PRORP: variants seen among roughly 807,000 people sequenced by gnomAD.
The protein encoded by PRORP is protein only RNase P catalytic subunit, also known as mitochondrial ribonuclease P catalytic subunit.
In PRORP, 51 loss-of-function variants were observed where a neutral mutation model predicts 59.4. The observed-to-expected ratio is 0.86, with a 90% CI of 0.69 to 1.08. The LOEUF is 1.08. Among genes scored for constraint, PRORP ranks in the 50% least tolerant of loss-of-function variants. The pLI, the probability that PRORP is intolerant of heterozygous loss-of-function variation, is 0.00. For synonymous variants in PRORP, 231 were observed against 245.6 expected (o/e 0.94, Z 0.55); for missense variants, 646 against 690.3 (o/e 0.94, Z 0.72).
chr14:35,187,174 C>G (rs1388192808), intron 5 of PRORP, among the ~76,000 whole-genome samples: 2 of 152,116 alleles, frequency 1.3e-5, no homozygotes, highest in Non-Finnish European at 2.9e-5. Flanking sequence ...GGCTATATAC[C>G]TAGGAGTAGA....
chr14:35,233,789 C>T (rs886731814), intron 5 of PRORP, among the ~76,000 whole-genome samples: 7 of 151,956 alleles, frequency 4.6e-5, no homozygotes, highest in African/African-American at 1.7e-4. Flanking sequence ...TTTTCCTGAG[C>T]TCTGCAGTGG....
chr14:35,128,844 C>T (rs1450080061), intron 4 of PRORP, among the ~76,000 whole-genome samples: 2 of 151,970 alleles, frequency 1.3e-5, no homozygotes, highest in Non-Finnish European at 2.9e-5. Flanking sequence ...CTACTCTGAT[C>T]TTTATTATTT....
intron 5 of PRORP, among the ~76,000 whole-genome samples, chr14:35,253,331 CA>C (rs1344336297): frequency 0.011 from 716 of 68,052 alleles, 3 homozygotes; most frequent in African/African-American, 0.033. Context: ...GAGACTGTTT[CA>C]AAAAAAAAAA....
At chr14:35,227,561 T>G (rs2049966984) in intron 5 of PRORP, among the ~76,000 whole-genome samples, 1 of 152,170 alleles carries the variant, frequency 6.6e-6, no homozygotes, top group African/African-American at 2.4e-5. Flanking sequence ...CCTATAAATC[T>G]GAACCAGTCC....
At chr14:35,182,169 G>A (rs2048628596) in intron 5 of PRORP, among the ~76,000 whole-genome samples, 1 of 152,040 alleles carries the variant, frequency 6.6e-6, no homozygotes, top group Non-Finnish European at 1.5e-5. Context: ...GGGAGGCTGA[G>A]GCAGGAGAAT....
At chr14:35,227,746 T>A (rs11846536) in intron 5 of PRORP, among the ~76,000 whole-genome samples, 7,856 of 152,274 alleles carry the variant, frequency 0.052, 345 homozygotes, top group Admixed American at 0.15. Flanking sequence ...AAACTTTTTT[T>A]AAAATTTTAG....
chr14:35,253,708 A>G (rs2050676123), intron 5 of PRORP, among the ~76,000 whole-genome samples: 1 of 152,118 alleles, frequency 6.6e-6, no homozygotes, highest in African/African-American at 2.4e-5. Flanking sequence ...TTCTTATCTG[A>G]CATGGTGTCC....
At chr14:35,186,511 T>G (rs2048745825) in intron 5 of PRORP, among the ~76,000 whole-genome samples, 1 of 151,988 alleles carries the variant, frequency 6.6e-6, no homozygotes, top group Admixed American at 6.6e-5. Context: ...CTCATACCCA[T>G]TAGCACTAAC....
At chr14:35,234,674 TC>T (rs1183497446) in intron 5 of PRORP, among the ~76,000 whole-genome samples, 1 of 140,464 alleles carries the variant, frequency 7.1e-6, no homozygotes, top group Non-Finnish European at 1.5e-5. Context: ...CAACTGTTGT[TC>T]CTTTTTTTTT....
At chr14:35,264,423 AATT>A (rs1426351456) in intron 5 of PRORP, among the ~76,000 whole-genome samples, 1 of 150,214 alleles carries the variant, frequency 6.7e-6, no homozygotes, top group Non-Finnish European at 1.5e-5. Context: ...TGCCTGGCCT[AATT>A]TTTTTTTTTT....
chr14:35,237,892 G>A (rs923160298), intron 5 of PRORP, among the ~76,000 whole-genome samples: 28 of 152,158 alleles, frequency 1.8e-4, no homozygotes, highest in East Asian at 5.8e-4. Context: ...CTGACCTTGT[G>A]CTCCACCCAC....
chr14:35,257,340 C>T (rs998512566), intron 5 of PRORP, among the ~76,000 whole-genome samples: 2 of 152,152 alleles, frequency 1.3e-5, no homozygotes, highest in Admixed American at 1.3e-4. Flanking sequence ...ACTCTGTATC[C>T]GTTAAACAAT....
At chr14:35,131,902 C>G (rs1181938453) in intron 4 of PRORP, among the ~76,000 whole-genome samples, 1 of 151,596 alleles carries the variant, frequency 6.6e-6, no homozygotes, top group African/African-American at 2.4e-5. Flanking sequence ...TGCAGTGGTG[C>G]TATTTTGGCT....
chr14:35,168,264 C>A lies in PRORP; in HGVS notation c.1168-12406C>A, dbSNP rs531389702. Among the ~76,000 whole-genome samples the A allele has an allele frequency of 2.0e-4, 30 of 152,276 alleles. No homozygotes were observed. The South Asian group carries it at 6.2e-3, about 32-fold the overall frequency. ...TTGGAAATTCCAGTTGCTCCACATA[C>A]TTGTTATGGGTCAGTCTTTTTAATT... On this transcript the variant is annotated intron_variant, in intron 4 of 7. Transcript: ENST00000534898.
At chr14:35,131,827 C>T (rs1464983004) in intron 4 of PRORP, among the ~76,000 whole-genome samples, 4 of 151,414 alleles carry the variant, frequency 2.6e-5, no homozygotes, top group Non-Finnish European at 4.4e-5. Context: ...GCCACCACAC[C>T]TAGCCAATCC....
At chr14:35,236,981 TCCTC>T (rs1221552868) in intron 5 of PRORP, among the ~76,000 whole-genome samples, 1 of 151,018 alleles carries the variant, frequency 6.6e-6, no homozygotes, top group Non-Finnish European at 1.5e-5. Flanking sequence ...TTTCCTTTCT[TCCTC>T]CCTCCCTCCT....
At chr14:35,235,133 T>C in intron 5 of PRORP, 1 of 512,702 alleles carries the variant, frequency 2.0e-6, no homozygotes, top group Non-Finnish European at 3.7e-6. Context: ...ATTTGTATTA[T>C]TTTAATTATT....
chr14:35,250,609 TC>T (rs1265575276), intron 5 of PRORP, among the ~76,000 whole-genome samples: 1 of 151,978 alleles, frequency 6.6e-6, no homozygotes, highest in African/African-American at 2.4e-5. Flanking sequence ...CTCCTCACCA[TC>T]CCCCGACTGA....
At chr14:35,249,641 G>C (rs1238497523) in intron 5 of PRORP, among the ~76,000 whole-genome samples, 1 of 152,094 alleles carries the variant, frequency 6.6e-6, no homozygotes, top group African/African-American at 2.4e-5. Flanking sequence ...TTAAAGACCA[G>C]TGTGATAGTA....
Sources: gnomAD v4.1 joint callset for allele counts (sites outside exome capture counted in the v4.1 genomes callset) on GRCh38, gnomAD v4.1.1 for gene constraint, MANE v1.5 for transcripts, NCBI Gene and HGNC (gene_info 2026-07-23, HGNC 2026-07-21) for gene names.